The following RNF213 variants were observed in gnomAD, a reference collection of about 807,000 sequenced individuals.
RNF213 encodes E3 ubiquitin-protein ligase RNF213.
Under a neutral mutation model 514.4 loss-of-function variants are expected in RNF213, and 341 were observed. The observed-to-expected ratio is 0.66, with a 90% confidence interval of 0.61 to 0.73. RNF213 has a LOEUF of 0.73. Among genes scored for constraint, RNF213 ranks in the 30% least tolerant of loss-of-function variants. RNF213 has a pLI of 0.00. For synonymous variants in RNF213, 2,655 were observed against 2,658.2 expected, an observed-to-expected ratio of 1.00 and a Z score of 0.04; for missense variants, 5,767 against 6,615.6, an observed-to-expected ratio of 0.87 and a Z score of 4.45.
At position 80,369,545 on chromosome 17, in the gene RNF213, A is replaced by G. The variant is rs1482955815; in HGVS notation, c.12199A>G (p.Ser4067Gly). 1 of 1,614,186 alleles carries G rather than the reference A, an allele frequency of 6.2e-7. No homozygotes were observed. The highest frequency in any genetic ancestry group is 2.2e-5 in the East Asian group (1 of 44,890). The stretch of plus-strand genomic sequence containing the variant: ...TGCCCGCTTCCGGCAGATGTGCAAC[A>G]GTTTCTTCGTAGACCTGGTGTCCAC... ...KHARFRQMCN[S>G]FFVDLVSTIC... The change falls in exon 45 of 68, where the codon AGT (serine) becomes GGT (glycine). Residue 4067 changes from serine (S) to glycine (G), a missense_variant. Transcript: ENST00000582970.
chr17:80,346,861 G>A lies in RNF213; in HGVS notation c.8526G>A (p.Val2842=). The change falls in exon 29 of 68, where the codon GTG becomes GTA. Residue 2842 remains valine (V), a synonymous_variant. Coordinates refer to ENST00000582970, the MANE Select transcript of RNF213 (RefSeq NM_001256071.3). This position sits in a 1 kb window ranked among gnomAD's most constrained non-coding sequence, Gnocchi z 8.1. Reference sequence around the variant, plus strand: ...TGCAGCAGTACGTCTCTGTGGTGGTGTTAGATGAGGTGGGGCTGGCGGAAG... The same window carrying A: ...TGCAGCAGTACGTCTCTGTGGTGGTATTAGATGAGGTGGGGCTGGCGGAAG... ...KDLQQYVSVV[V]LDEVGLAEDS... 1.2e-6 allele frequency: 2 copies of A among 1,614,116 alleles called. No homozygotes were observed. The highest frequency in any genetic ancestry group is 1.3e-5 in the African/African-American group (1 of 75,036).
At chr17:80,385,206 C>T (rs369902370) in intron 60 of RNF213, 35 bp downstream of exon 60, 107 of 1,613,130 alleles carry the variant, frequency 6.6e-5, no homozygotes, top group Non-Finnish European at 8.3e-5. Context: ...AGGACTGTCC[C>T]GCATTTGGCG....
In RNF213 at chr17:80,345,634, T is replaced by C; in HGVS notation, c.7299T>C (p.Leu2433=). 6.2e-7 allele frequency: 1 copy of C among 1,614,196 alleles called. No individual in the cohort carries two copies. The highest frequency in any genetic ancestry group is 8.5e-7 in the Non-Finnish European group (1 of 1,180,032). ...GCGKTRLIKF[L]SDLRRGGTNA... The stretch of plus-strand genomic sequence containing the variant: ...GGAAAACCAGGCTTATTAAATTCCT[T>C]AGCGACCTGCGGCGTGGTGGTACCA... Residue 2433 remains leucine, a synonymous_variant, in exon 29 of 68, where the codon CTT becomes CTC. Transcript: ENST00000582970. This position sits in a 1 kb window ranked among gnomAD's most constrained non-coding sequence, Gnocchi z 6.0.
intron 67 of RNF213, among the ~76,000 whole-genome samples, chr17:80,391,214 G>T (rs114865409): frequency 6.6e-6 from 1 of 152,080 alleles, no homozygotes; most frequent in Non-Finnish European, 1.5e-5. Context: ...CCCATTTACC[G>T]TGAGGCTGAA....
chr17:80,272,943 T>G (rs967853638), intron 2 of RNF213, among the ~76,000 whole-genome samples: 1 of 152,016 alleles, frequency 6.6e-6, no homozygotes, highest in African/African-American at 2.4e-5. Context: ...TGCGCTGACA[T>G]CCTAGTACAG....
chr17:80,376,006 G>C, intron 51 of RNF213, 136 bp downstream of exon 51: 1 of 784,392 alleles, frequency 1.3e-6, no homozygotes, highest in Non-Finnish European at 2.2e-6. Flanking sequence ...TTGTTATGTG[G>C]AGGAACACAT....
Position 80,264,068 on chromosome 17 carries a change from A to G in RNF213, c.97+290A>G, listed in dbSNP as rs1192575221. On this transcript the variant is annotated intron_variant, in intron 2 of 67. Transcript: ENST00000582970. The surrounding 1 kb of genome is among the most constrained non-coding windows in gnomAD (Gnocchi z 5.0). Reference sequence around the variant, plus strand: ...TGAGTGAGCCCACCCGAGTGGGAGGAGAGGGCAGGGCCAGGGCAGGGAGAG... The same window carrying G: ...TGAGTGAGCCCACCCGAGTGGGAGGGGAGGGCAGGGCCAGGGCAGGGAGAG... Among the ~76,000 whole-genome samples the G allele has an allele frequency of 1.3e-5, 2 of 152,114 alleles. No individual in the cohort carries two copies. The highest frequency in any genetic ancestry group is 2.9e-5 in the Non-Finnish European group (2 of 68,006).
chr17:80,290,519 C>T (rs762408585), intron 6 of RNF213, 51 bp from the exon 7 acceptor site: 42 of 1,609,938 alleles, frequency 2.6e-5, no homozygotes, highest in Non-Finnish European at 1.8e-5. Flanking sequence ...ATGCACATGG[C>T]AGGTGGACAG....
chr17:80,347,786 A>T lies in RNF213; in HGVS notation c.9451A>T (p.Ile3151Phe). ...RVHPNFRLIVIEEKDVVYKHF... is the reference protein window; with the variant it reads ...RVHPNFRLIVFEEKDVVYKHF... ...TCACCCCAACTTCCGCCTGATTGTC[A>T]TTGAAGAGAAAGACGTCGTGTACAA... The change falls in exon 29 of 68, where the codon ATT (isoleucine) becomes TTT (phenylalanine). Residue 3151 changes from isoleucine to phenylalanine, a missense_variant. Coordinates refer to ENST00000582970, the MANE Select transcript of RNF213 (RefSeq NM_001256071.3). The surrounding 1 kb of genome is among the most constrained non-coding windows in gnomAD (Gnocchi z 7.2). 6.2e-7 allele frequency: 1 copy of T among 1,614,182 alleles called. No individual in the cohort carries two copies. The highest frequency in any genetic ancestry group is 8.5e-7 in the Non-Finnish European group (1 of 1,180,040).
chr17:80,278,483 T>TGAGCCTGGCAGGGTGCCGC (rs1324396095), intron 3 of RNF213, among the ~76,000 whole-genome samples: 4 of 152,156 alleles, frequency 2.6e-5, no homozygotes, highest in Non-Finnish European at 5.9e-5. Context: ...CAGGGTGCCG[T>TGAGCCTGGCAGGGTGCCGC]GAGCCTGGCA....
rs1354573881 is a variant in RNF213 at position 80,397,545 on chromosome 17, T to C, written c.*4047T>C. On this transcript the variant is annotated 3_prime_UTR_variant, in exon 68 of 68. Transcript: ENST00000582970. The stretch of plus-strand genomic sequence containing the variant: ...CACCGTGAAAATCCCTGTCCTGTTC[T>C]GTTCCGTTCTAATTACGGGTGCATG... The C allele has an allele frequency of 6.6e-6, 1 of 152,048 alleles. No individual in the cohort carries two copies. The highest frequency in any genetic ancestry group is 1.5e-5 in the Non-Finnish European group (1 of 68,020). The allele number at this position is 152,048 out of a possible 1,614,324, so 9.4% of individuals were successfully genotyped here. A position where few individuals can be genotyped will look rare whatever the true frequency, so the allele number is the denominator to read the frequency against.
rs1442292370 is a variant in RNF213, at chr17:80,264,830, T to C, written c.97+1052T>C. Among the ~76,000 whole-genome samples the C allele has an allele frequency of 6.6e-6, 1 of 152,012 alleles. No homozygotes were observed. The highest frequency in any genetic ancestry group is 2.4e-5 in the African/African-American group (1 of 41,402). ...TAGACGGCTGCCCACCCCATTCCTC[T>C]TGGCTCCCTCTCCTGTCCCCAGAGC... On this transcript the variant is annotated intron_variant, in intron 2 of 67. Transcript: ENST00000582970. The surrounding 1 kb of genome is among the most constrained non-coding windows in gnomAD (Gnocchi z 5.0).
chr17:80,372,923 A>G, intron 48 of RNF213, 52 bp from the exon 49 acceptor site: 5 of 1,574,754 alleles, frequency 3.2e-6, no homozygotes, highest in South Asian at 2.3e-5. Context: ...GTGTCCTACA[A>G]TAAATGCCCT....
chr17:80,298,393 G>T lies in RNF213; in HGVS notation c.2085G>T (p.Leu695=). 2 of 1,614,212 alleles carry T rather than the reference G, an allele frequency of 1.2e-6. No individual in the cohort carries two copies. Among genetic ancestry groups the T allele is most frequent in the Admixed American group, 1.7e-5 (1 of 60,018 alleles). Residue 695 remains leucine, a synonymous_variant, in exon 11 of 68, where the codon CTG becomes CTT. Transcript: ENST00000582970. ...GGACGTACACCTGGCTGGGCGCCCTGCCTGTCCTGCACTGCTGTATGGAGC... is the reference window on the plus strand; with the variant it reads ...GGACGTACACCTGGCTGGGCGCCCTTCCTGTCCTGCACTGCTGTATGGAGC... ...DTRTYTWLGA[L]PVLHCCMELA...
At chr17:80,389,435 T>C (rs1346924914) in intron 65 of RNF213, 68 bp downstream of exon 65, 28 of 1,436,804 alleles carry the variant, frequency 1.9e-5, no homozygotes, top group African/African-American at 1.3e-4. Flanking sequence ...CCGCGAGGGA[T>C]AGGAGCATTC....
intron 25 of RNF213, among the ~76,000 whole-genome samples, chr17:80,338,229 CT>C (rs2078045418): frequency 6.6e-6 from 1 of 152,104 alleles, no homozygotes; most frequent in Non-Finnish European, 1.5e-5. Context: ...GCAGTCCCTC[CT>C]TACGATCCGT....
chr17:80,311,221 A>G (rs1238565641), intron 14 of RNF213, among the ~76,000 whole-genome samples: 1 of 152,242 alleles, frequency 6.6e-6, no homozygotes, highest in African/African-American at 2.4e-5. Flanking sequence ...AAACCTTTGC[A>G]ATACTAAAAT....
At chr17:80,307,329 AC>A (rs2045399633) in intron 13 of RNF213, 128 bp downstream of exon 13, 2 of 726,426 alleles carry the variant, frequency 2.8e-6, no homozygotes, top group African/African-American at 3.8e-5. Flanking sequence ...TATGTGGCCC[AC>A]TTCTCTTCTC....
At chr17:80,262,108 C>T (rs1016542810) in intron 1 of RNF213, among the ~76,000 whole-genome samples, 1 of 152,070 alleles carries the variant, frequency 6.6e-6, no homozygotes, top group Admixed American at 6.6e-5. Flanking sequence ...AGAAAGAGGC[C>T]TGGGCGGTGG....
Sources: allele counts gnomAD v4.1 joint callset (sites outside exome capture counted in the v4.1 genomes callset), GRCh38; gene constraint gnomAD v4.1.1; non-coding constraint Gnocchi (gnomAD v3.1); transcripts MANE v1.5; gene names NCBI Gene and HGNC (gene_info 2026-07-23, HGNC 2026-07-21).